RYR2: variants seen among roughly 807,000 people sequenced by gnomAD.
RYR2 encodes the protein ryanodine receptor 2.
A neutral mutation model predicts 601.1 loss-of-function variants in RYR2; 227 were observed. The observed-to-expected ratio is 0.38, with a 90% CI of 0.34 to 0.42. The LOEUF is 0.42. Among genes scored for constraint, RYR2 ranks in the 10% least tolerant of loss-of-function variants. RYR2 has a pLI of 1.00. For missense variants in RYR2, 4,646 were observed against 6,156.5 expected (o/e 0.75, Z 8.21); for synonymous variants, 2,223 against 2,175.1 (o/e 1.02, Z -0.61).
chr1:237,733,077 ACTCT>A (rs905776349), intron 78 of RYR2, among the ~76,000 whole-genome samples: 2 of 151,882 alleles, frequency 1.3e-5, no homozygotes, highest in African/African-American at 4.8e-5. Context: ...GCATAGAGCA[ACTCT>A]CTCTCTGGCA....
intron 1 of RYR2, among the ~76,000 whole-genome samples, chr1:237,118,472 A>C (rs1420080329): frequency 6.6e-6 from 1 of 151,808 alleles, no homozygotes; most frequent in Non-Finnish European, 1.5e-5. Context: ...CATGGTTACT[A>C]CCTTCAAGGG....
At chr1:237,282,659 T>A (rs1691014974) in intron 2 of RYR2, among the ~76,000 whole-genome samples, 1 of 152,158 alleles carries the variant, frequency 6.6e-6, no homozygotes, top group Non-Finnish European at 1.5e-5. Context: ...ACTGGTGAAG[T>A]TTTATGAAAG....
At chr1:237,780,891 G>T (rs558217089) in intron 88 of RYR2, among the ~76,000 whole-genome samples, 11 of 152,224 alleles carry the variant, frequency 7.2e-5, no homozygotes, top group Middle Eastern at 3.4e-3. Flanking sequence ...GCACCTAGAA[G>T]AAGTTAGAAA....
chr1:237,312,075 A>C (rs57362400), intron 2 of RYR2, among the ~76,000 whole-genome samples: 13,264 of 152,190 alleles, frequency 0.087, 1,176 homozygotes, highest in African/African-American at 0.23. Context: ...GCTACTTTTT[A>C]TGAGGCTCTG....
At chr1:237,399,923 T>A (rs897100263) in intron 10 of RYR2, among the ~76,000 whole-genome samples, 5 of 151,728 alleles carry the variant, frequency 3.3e-5, no homozygotes, top group Non-Finnish European at 7.4e-5. Flanking sequence ...AAAAGTTGAG[T>A]TTGAGAACAA....
At chr1:237,769,839 T>C (rs1480138539) in intron 84 of RYR2, among the ~76,000 whole-genome samples, 1 of 151,938 alleles carries the variant, frequency 6.6e-6, no homozygotes, top group Non-Finnish European at 1.5e-5. Flanking sequence ...CTGCTCGTAA[T>C]GTGGAAGTGT....
intron 3 of RYR2, among the ~76,000 whole-genome samples, chr1:237,336,949 G>T (rs865875960): frequency 6.8e-6 from 1 of 147,294 alleles, no homozygotes; most frequent in Non-Finnish European, 1.5e-5. Flanking sequence ...TGTACTCTAA[G>T]AACATTCAAA....
At chr1:237,671,527 G>T (rs1386875944) in intron 58 of RYR2, among the ~76,000 whole-genome samples, 1 of 151,862 alleles carries the variant, frequency 6.6e-6, no homozygotes, top group Non-Finnish European at 1.5e-5. Context: ...GTGCGTGTGT[G>T]TGTGTGTGTG....
Position 237,733,209 on chromosome 1 carries a change from G to A in RYR2, c.11040-496G>A, listed in dbSNP as rs530764302. On this transcript the variant is annotated intron_variant, in intron 78 of 104. Transcript: ENST00000366574. ...TTTGGTGGAAACTTTTCTTCACGTA[G>A]TCATGGTTTCCATGCTTCTCAAAAA... Among the ~76,000 whole-genome samples, 138 of 152,250 alleles carry A rather than the reference G, an allele frequency of 9.1e-4. 1 individual carries two copies. The highest frequency in any genetic ancestry group is 3.0e-3 in the African/African-American group (126 of 41,556).
chr1:237,279,952 T>A (rs1690687324), intron 2 of RYR2, among the ~76,000 whole-genome samples: 1 of 152,232 alleles, frequency 6.6e-6, no homozygotes, highest in African/African-American at 2.4e-5. Context: ...ACAGTATTGT[T>A]GATTTTTATC....
At chr1:237,542,942 C>T (rs1046121632) in intron 25 of RYR2, among the ~76,000 whole-genome samples, 2 of 152,174 alleles carry the variant, frequency 1.3e-5, no homozygotes, top group African/African-American at 4.8e-5. Flanking sequence ...AACTTGCCTC[C>T]TCTGACTCTC....
At chr1:237,416,975 C>T in intron 10 of RYR2, 74 bp from the exon 11 acceptor site, 1 of 1,351,058 alleles carries the variant, frequency 7.4e-7, no homozygotes, top group East Asian at 2.3e-5. Context: ...TCCTAATTAG[C>T]TTCAAAAAAT....
chr1:237,420,681 C>T (rs1463829948), intron 11 of RYR2, among the ~76,000 whole-genome samples: 3 of 152,070 alleles, frequency 2.0e-5, no homozygotes, highest in Admixed American at 2.0e-4. Flanking sequence ...TTAGAGACTT[C>T]AAAGGAGCAC....
intron 1 of RYR2, among the ~76,000 whole-genome samples, chr1:237,246,728 C>T (rs1686888951): frequency 6.6e-6 from 1 of 151,498 alleles, no homozygotes; most frequent in Non-Finnish European, 1.5e-5. Context: ...GAATCTTCCT[C>T]TCCTTTCATA....
intron 36 of RYR2, 143 bp downstream of exon 36, chr1:237,611,131 G>A (rs890835762): frequency 1.5e-6 from 1 of 654,884 alleles, no homozygotes; most frequent in African/African-American, 1.8e-5. Flanking sequence ...TTTAGGCAAT[G>A]GAGTCATTAT....
At chr1:237,537,801 A>T (rs965001669) in intron 25 of RYR2, among the ~76,000 whole-genome samples, 17 of 152,214 alleles carry the variant, frequency 1.1e-4, no homozygotes, top group Non-Finnish European at 2.2e-4. Flanking sequence ...ATAAAATATA[A>T]TTCTACAGAT....
chr1:237,279,610 A>G (rs1690649904), intron 2 of RYR2, among the ~76,000 whole-genome samples: 1 of 152,314 alleles, frequency 6.6e-6, no homozygotes, highest in African/African-American at 2.4e-5. Flanking sequence ...CAAAACTGGG[A>G]AAGATTTTAG....
At chr1:237,094,552 C>T (rs1329964607) in intron 1 of RYR2, among the ~76,000 whole-genome samples, 1 of 150,626 alleles carries the variant, frequency 6.6e-6, no homozygotes, top group African/African-American at 2.4e-5. Flanking sequence ...ATGAATGCAT[C>T]ATTTGTTTTG....
At chr1:237,832,478 A>T in intron 104 of RYR2, 74 bp from the exon 105 acceptor site, 1 of 929,724 alleles carries the variant, frequency 1.1e-6, no homozygotes, top group Non-Finnish European at 1.7e-6. Context: ...AGGTAACAGA[A>T]TTGAGTTTCT....
Sources: allele counts gnomAD v4.1 joint callset (sites outside exome capture counted in the v4.1 genomes callset), GRCh38; gene constraint gnomAD v4.1.1; transcripts MANE v1.5; gene names NCBI Gene and HGNC (gene_info 2026-07-23, HGNC 2026-07-21).